Variants in LRRC7 observed in about 807,000 individuals in gnomAD.
LRRC7 encodes the protein leucine-rich repeat-containing protein 7.
In LRRC7, 23 loss-of-function variants were observed where a neutral mutation model predicts 175.7. That is an observed-to-expected ratio of 0.13 (90% CI 0.09 to 0.19). LRRC7 has a LOEUF of 0.19. Ranked by LOEUF, LRRC7 falls within the 10% of genes least tolerant of loss-of-function variation. The pLI is 1.00. For missense variants in LRRC7, 1,354 were observed against 1,904.7 expected (o/e 0.71, Z 5.38); for synonymous variants, 685 against 680.9 (o/e 1.01, Z -0.09).
chr1:69,634,108 G>C, intron 1 of LRRC7, among the ~76,000 whole-genome samples: 1 of 151,944 alleles, frequency 6.6e-6, no homozygotes, highest in Non-Finnish European at 1.5e-5. Flanking sequence ...CTTACAATCT[G>C]TCATGTGCTA....
Position 69,722,136 on chromosome 1 carries a change from C to T in LRRC7, c.101-38055C>T, listed in dbSNP as rs904250786. Among the ~76,000 whole-genome samples the T allele has an allele frequency of 5.1e-5, 6 of 118,500 alleles. No homozygotes were observed. In the South Asian group the frequency reaches 1.7e-3, roughly 33 times the overall value. 77.7% of individuals were successfully genotyped at this position (118,500 alleles called of 152,430 possible). A position where few individuals can be genotyped will look rare whatever the true frequency, so the allele number is the denominator to read the frequency against. On this transcript the variant is annotated intron_variant, in intron 2 of 26. Transcript: ENST00000651989. ...GTTTTCACATATGTAAGCCTATGTA[C>T]ACATATATATATATATATTTTCTCC...
chr1:69,777,205 C>G (rs1158411534), intron 3 of LRRC7, among the ~76,000 whole-genome samples: 2 of 152,144 alleles, frequency 1.3e-5, no homozygotes, highest in Non-Finnish European at 2.9e-5. Flanking sequence ...CCCACAGAGG[C>G]AGGGTATGCG....
intron 2 of LRRC7, among the ~76,000 whole-genome samples, chr1:69,715,699 T>C (rs114048798): frequency 0.011 from 1,669 of 152,108 alleles, 30 homozygotes; most frequent in Middle Eastern, 0.075. Flanking sequence ...TAAAATTTTA[T>C]CGATTCAGAA....
At chr1:70,032,285 A>G (rs565226428) in intron 18 of LRRC7, among the ~76,000 whole-genome samples, 1 of 152,258 alleles carries the variant, frequency 6.6e-6, no homozygotes, top group African/African-American at 2.4e-5. Context: ...TTTGAGAATC[A>G]AGGGGTAGGG....
In LRRC7 at chr1:70,125,748, C is replaced by T. The variant is rs1351740426; in HGVS notation, c.*3861C>T. On this transcript the variant is annotated 3_prime_UTR_variant, in exon 27 of 27. Transcript: ENST00000651989. ...CGGAGCTTGCAGTGAGCCGAGATCC[C>T]GCCACTGCACTCCAGCCTGGGCGAC... 1.5e-5 allele frequency among the ~76,000 whole-genome samples: 2 copies of T among 132,738 alleles called. No individual in the cohort carries two copies. The highest frequency in any genetic ancestry group is 3.2e-5 in the African/African-American group (1 of 31,712). 87.1% of individuals were successfully genotyped at this position (132,738 alleles called of 152,430 possible).
At chr1:69,763,393 T>C (rs1239361888) in intron 3 of LRRC7, among the ~76,000 whole-genome samples, 1 of 152,106 alleles carries the variant, frequency 6.6e-6, no homozygotes, top group East Asian at 1.9e-4. Context: ...ACAAAATATG[T>C]CTCCCCTAAA....
rs540934211 is a variant in LRRC7 at position 69,649,518 on chromosome 1, C to T, written c.3-28863C>T. Among the ~76,000 whole-genome samples the T allele has an allele frequency of 1.3e-4, 20 of 152,150 alleles. No individual in the cohort carries two copies. The South Asian group carries it at 3.5e-3, about 27-fold the overall frequency. ...ATAAAAGGTAATTAAATATCTAGAG[C>T]ATTCAAAAATATTCTGGGATTGCTT... is the stretch of plus-strand genomic sequence containing the variant. On this transcript the variant is annotated intron_variant, in intron 1 of 26. Coordinates refer to ENST00000651989, the MANE Select transcript of LRRC7 (RefSeq NM_001370785.2).
At chr1:70,010,332 G>A (rs1191209830) in intron 11 of LRRC7, among the ~76,000 whole-genome samples, 1 of 152,208 alleles carries the variant, frequency 6.6e-6, no homozygotes, top group African/African-American at 2.4e-5. Context: ...TTGGGAGGCT[G>A]AGGAAGGTAG....
Position 70,028,160 on chromosome 1 carries a change from T to A in LRRC7, c.1795-11T>A. The A allele has an allele frequency of 6.2e-7, 1 of 1,601,496 alleles. No homozygotes were observed. Reference sequence around the variant, plus strand: ...TATTTTTATGTTAAATTTCTTTTTGTAAACTTCTAGGTTGAAATAAACCTA... The same window carrying A: ...TATTTTTATGTTAAATTTCTTTTTGAAAACTTCTAGGTTGAAATAAACCTA... On this transcript the variant is annotated splice_polypyrimidine_tract_variant and intron_variant, in intron 17 of 26. Transcript: ENST00000651989.
intron 1 of LRRC7, among the ~76,000 whole-genome samples, chr1:69,618,513 C>T (rs1650042138): frequency 6.6e-6 from 1 of 152,122 alleles, no homozygotes; most frequent in African/African-American, 2.4e-5. Flanking sequence ...TCCATCTTTG[C>T]TATGAAGGCT....
intron 2 of LRRC7, among the ~76,000 whole-genome samples, chr1:69,681,564 A>G (rs532196886): frequency 5.5e-4 from 84 of 152,266 alleles, no homozygotes; most frequent in African/African-American, 1.9e-3. Context: ...AGTCAAATAA[A>G]CTTTCAATAA....
In LRRC7 at chr1:69,815,221, A is replaced by G. The variant is rs1446575506; in HGVS notation, c.422-10527A>G. Among the ~76,000 whole-genome samples, 3 of 152,074 alleles carry G rather than the reference A, an allele frequency of 2.0e-5. No homozygotes were observed. The East Asian group carries it at 5.8e-4, about 29-fold the overall frequency. ...TGGTTCCTGGTTACATTTCTTCCTT[A>G]ATACATCATTTTGGTGACAAACATC... On this transcript the variant is annotated intron_variant, in intron 4 of 26. Transcript: ENST00000651989.
At chr1:69,610,510 A>C (rs1648536213) in intron 1 of LRRC7, among the ~76,000 whole-genome samples, 1 of 151,900 alleles carries the variant, frequency 6.6e-6, no homozygotes, top group Non-Finnish European at 1.5e-5. Flanking sequence ...TATGTCTATG[A>C]TTACTAGTAA....
At chr1:69,810,434 T>C (rs185055256) in intron 4 of LRRC7, among the ~76,000 whole-genome samples, 2 of 152,198 alleles carry the variant, frequency 1.3e-5, no homozygotes, top group Admixed American at 6.5e-5. Context: ...TTAAATTTCA[T>C]ATGGAAACAA....
chr1:69,730,962 G>T (rs959616109), intron 2 of LRRC7, among the ~76,000 whole-genome samples: 1 of 151,994 alleles, frequency 6.6e-6, no homozygotes, highest in Non-Finnish European at 1.5e-5. Flanking sequence ...TTCACATGGC[G>T]GCAGCAAGCA....
intron 2 of LRRC7, among the ~76,000 whole-genome samples, chr1:69,724,468 A>T (rs1666712846): frequency 6.6e-6 from 1 of 152,264 alleles, no homozygotes; most frequent in African/African-American, 2.4e-5. Flanking sequence ...AGCACATAAC[A>T]TGCAATAAAC....
At chr1:69,926,407 G>T (rs1444788481) in intron 7 of LRRC7, among the ~76,000 whole-genome samples, 3 of 134,514 alleles carry the variant, frequency 2.2e-5, no homozygotes, top group Non-Finnish European at 4.9e-5. Context: ...TGACAGTGGG[G>T]TGTTAAAGTC....
chr1:69,606,626 G>A (rs1647629599), intron 1 of LRRC7, among the ~76,000 whole-genome samples: 1 of 151,812 alleles, frequency 6.6e-6, no homozygotes, highest in Non-Finnish European at 1.5e-5. Context: ...TATTCCAAAG[G>A]AAAAATAAAC....
rs1051329857 is a variant in LRRC7 at position 70,134,741 on chromosome 1, A to C, written c.*12854A>C. Among the ~76,000 whole-genome samples, 51 of 152,278 alleles carry C rather than the reference A, an allele frequency of 3.3e-4. No individual in the cohort carries two copies. The highest frequency in any genetic ancestry group is 6.9e-4 in the Non-Finnish European group (47 of 68,002). On this transcript the variant is annotated 3_prime_UTR_variant, in exon 27 of 27. Transcript: ENST00000651989. ...GTTAATATTTTGTAAGTTCTTTCTG[A>C]CCTCAAGCCTGCCAATTTTAGTGCA... is the stretch of plus-strand genomic sequence containing the variant.
Sources: gnomAD v4.1 joint callset for allele counts (sites outside exome capture counted in the v4.1 genomes callset) on GRCh38, gnomAD v4.1.1 for gene constraint, MANE v1.5 for transcripts, NCBI Gene and HGNC (gene_info 2026-07-23, HGNC 2026-07-21) for gene names.